Variants in TOX3 observed in about 807,000 individuals in gnomAD.
TOX3 encodes CAG trinucleotide repeat-containing gene F9 protein.
A neutral mutation model predicts 64.3 loss-of-function variants in TOX3; 22 were observed. The ratio of observed to expected loss-of-function variants is 0.34; its 90% CI spans 0.24 to 0.49. The LOEUF is 0.49. Ranked by LOEUF, TOX3 falls within the 20% of genes least tolerant of loss-of-function variation. TOX3 has a pLI of 0.99. For synonymous variants in TOX3, 291 were observed against 273.6 expected (o/e 1.06, Z -0.63); for missense variants, 661 against 714.4 (o/e 0.93, Z 0.85).
At chr16:52,506,631 G>C (rs902671246) in intron 1 of TOX3, among the ~76,000 whole-genome samples, 3 of 152,094 alleles carry the variant, frequency 2.0e-5, no homozygotes, top group Non-Finnish European at 4.4e-5. Context: ...CAAGCTTATT[G>C]GTCAGGTTTA....
chr16:52,543,929 A>G (rs1224046882), intron 1 of TOX3, among the ~76,000 whole-genome samples: 4 of 152,228 alleles, frequency 2.6e-5, no homozygotes, highest in Non-Finnish European at 4.4e-5. Flanking sequence ...AGAGTAATGA[A>G]TGAAACCCTA....
At chr16:52,513,089 C>T (rs1485075437) in intron 1 of TOX3, among the ~76,000 whole-genome samples, 4 of 152,178 alleles carry the variant, frequency 2.6e-5, no homozygotes, top group Admixed American at 2.6e-4. Flanking sequence ...CAGCAACTGA[C>T]TCTTTGGGGA....
At chr16:52,467,756 C>A (rs1411504250) in intron 2 of TOX3, among the ~76,000 whole-genome samples, 2 of 152,076 alleles carry the variant, frequency 1.3e-5, no homozygotes, top group East Asian at 3.9e-4. Context: ...CCAATGAGAC[C>A]AAACAGCAGC....
intron 1 of TOX3, among the ~76,000 whole-genome samples, chr16:52,483,386 G>A (rs1304289532): frequency 1.3e-5 from 2 of 152,078 alleles, no homozygotes; most frequent in African/African-American, 4.8e-5. Context: ...CTCTTGCATT[G>A]CCTAGAAGGG....
intron 1 of TOX3, among the ~76,000 whole-genome samples, chr16:52,512,011 T>C (rs192067235): frequency 1.0e-3 from 158 of 152,286 alleles, no homozygotes; most frequent in African/African-American, 3.5e-3. Flanking sequence ...ACGTTGCCTA[T>C]TCCTCAACTT....
chr16:52,528,445 G>A (rs924040731), intron 1 of TOX3, among the ~76,000 whole-genome samples: 7 of 151,964 alleles, frequency 4.6e-5, no homozygotes, highest in Non-Finnish European at 1.0e-4. Context: ...GCACCCAGCA[G>A]AGTGAAATCT....
intron 6 of TOX3, among the ~76,000 whole-genome samples, chr16:52,443,245 A>C (rs1031576139): frequency 2.0e-5 from 3 of 152,198 alleles, no homozygotes; most frequent in Admixed American, 6.5e-5. Flanking sequence ...GTACAACATC[A>C]GTATATCTTC....
intron 1 of TOX3, among the ~76,000 whole-genome samples, chr16:52,506,942 C>T (rs1596839160): frequency 6.6e-6 from 1 of 152,180 alleles, no homozygotes; most frequent in East Asian, 1.9e-4. Flanking sequence ...AGCTGGAAAC[C>T]CTGATTAGAG....
chr16:52,530,867 C>A (rs568965532), intron 1 of TOX3, among the ~76,000 whole-genome samples: 1 of 152,292 alleles, frequency 6.6e-6, no homozygotes, highest in East Asian at 1.9e-4. Flanking sequence ...ACAAGCTTCA[C>A]CCTAATAATC....
intron 2 of TOX3, among the ~76,000 whole-genome samples, chr16:52,467,258 G>GA (rs527424985): frequency 1.9e-4 from 29 of 151,038 alleles, no homozygotes; most frequent in Middle Eastern, 3.2e-3. Flanking sequence ...CAAATGTAGG[G>GA]AAAAAAAAAT....
chr16:52,447,332 G>T (rs747925561), intron 4 of TOX3, among the ~76,000 whole-genome samples: 1 of 152,166 alleles, frequency 6.6e-6, no homozygotes, highest in African/African-American at 2.4e-5. Flanking sequence ...TAACAGATAG[G>T]CTTTTAATGA....
chr16:52,473,536 C>G (rs1186476307), intron 1 of TOX3, among the ~76,000 whole-genome samples: 1 of 152,136 alleles, frequency 6.6e-6, no homozygotes, highest in Non-Finnish European at 1.5e-5. Flanking sequence ...TGGCAGAGGC[C>G]GGACTGCAAA....
chr16:52,493,146 T>C (rs1354051625), intron 1 of TOX3, among the ~76,000 whole-genome samples: 1 of 152,200 alleles, frequency 6.6e-6, no homozygotes, highest in African/African-American at 2.4e-5. Flanking sequence ...CGGTGACTTA[T>C]AACTGGGGCA....
intron 1 of TOX3, among the ~76,000 whole-genome samples, chr16:52,511,282 A>G (rs1391115480): frequency 1.3e-5 from 2 of 152,184 alleles, no homozygotes; most frequent in Non-Finnish European, 2.9e-5. Context: ...TCACGAGGTC[A>G]GGAGTTAGAG....
intron 1 of TOX3, among the ~76,000 whole-genome samples, chr16:52,505,475 C>T (rs1395782695): frequency 6.6e-6 from 1 of 152,124 alleles, no homozygotes; most frequent in Non-Finnish European, 1.5e-5. Context: ...ATTGACAATT[C>T]GGAAGCATAG....
chr16:52,544,230 C>T (rs1377194099), intron 1 of TOX3, among the ~76,000 whole-genome samples: 1 of 152,160 alleles, frequency 6.6e-6, no homozygotes, highest in African/African-American at 2.4e-5. Flanking sequence ...TATTGAACAG[C>T]ACCACTTCAG....
At chr16:52,510,778 A>AAAAAAT (rs574634087) in intron 1 of TOX3, among the ~76,000 whole-genome samples, 1 of 115,164 alleles carries the variant, frequency 8.7e-6, no homozygotes, top group Non-Finnish European at 1.7e-5. Context: ...AAAAAAAAAA[A>AAAAAAT]AAGAAGAAGA....
intron 3 of TOX3, among the ~76,000 whole-genome samples, chr16:52,458,330 C>A (rs981595754): frequency 6.6e-6 from 1 of 152,078 alleles, no homozygotes; most frequent in African/African-American, 2.4e-5. Context: ...AGATGGGAAG[C>A]AAGCAAAGGA....
At position 52,531,053 on chromosome 16, in the gene TOX3, G is replaced by A. The variant is rs577082709; in HGVS notation, c.87+15584C>T. ...CTAGGATTGAGACAAGATGTAAAAA[G>A]AGGAACATGTAATATATTATTTTAC... On this transcript the variant is annotated intron_variant, in intron 1 of 6. Coordinates refer to ENST00000219746, the MANE Select transcript of TOX3 (RefSeq NM_001080430.4). 2.0e-5 allele frequency among the ~76,000 whole-genome samples: 3 copies of A among 152,294 alleles called. No homozygotes were observed. The East Asian group carries it at 5.8e-4, about 29-fold the overall frequency.
Sources: allele counts gnomAD v4.1 joint callset (sites outside exome capture counted in the v4.1 genomes callset), GRCh38; gene constraint gnomAD v4.1.1; transcripts MANE v1.5; gene names NCBI Gene and HGNC (gene_info 2026-07-23, HGNC 2026-07-21).